Variants in ACVR2A observed in about 807,000 individuals in gnomAD.
The protein encoded by ACVR2A is activin receptor type-2A.
A neutral mutation model predicts 61.4 loss-of-function variants in ACVR2A; 7 were observed. That is an observed-to-expected ratio of 0.11 (90% CI 0.06 to 0.21). ACVR2A has a LOEUF of 0.21. Ranked by LOEUF, ACVR2A falls within the 10% of genes least tolerant of loss-of-function variation. The pLI is 1.00. For synonymous variants in ACVR2A, 193 were observed against 208.3 expected, an observed-to-expected ratio of 0.93 and a Z score of 0.63; for missense variants, 322 against 621.7, an observed-to-expected ratio of 0.52 and a Z score of 5.13.
intron 4 of ACVR2A, among the ~76,000 whole-genome samples, chr2:147,912,645 T>G (rs992020321): frequency 5.9e-5 from 9 of 151,986 alleles, no homozygotes; most frequent in Non-Finnish European, 1.0e-4. Context: ...TTTCTACTAT[T>G]ATAGGATGAG....
At position 147,930,486 on chromosome 2, in the gene ACVR2A, G is replaced by A. The variant is rs1040154147; in HGVS notation, c.*3212G>A. 2 of 151,678 alleles carry A rather than the reference G, an allele frequency of 1.3e-5. No homozygotes were observed. Among genetic ancestry groups the A allele is most frequent in the African/African-American group, 2.4e-5 (1 of 41,180 alleles). The allele number at this position is 151,678 out of a possible 1,614,324, so 9.4% of individuals were successfully genotyped here. A position where few individuals can be genotyped will look rare whatever the true frequency, so the allele number is the denominator to read the frequency against. Reference sequence around the variant, plus strand: ...GCATAAAATTATTTATCCATTTATGGGCAAAATGATACAAGTAGCATCTTG... The same window carrying A: ...GCATAAAATTATTTATCCATTTATGAGCAAAATGATACAAGTAGCATCTTG... On this transcript the variant is annotated 3_prime_UTR_variant, in exon 11 of 11. Transcript: ENST00000241416.
At chr2:147,892,061 TC>T (rs1488848864) in intron 1 of ACVR2A, among the ~76,000 whole-genome samples, 2 of 151,590 alleles carry the variant, frequency 1.3e-5, no homozygotes, top group Non-Finnish European at 2.9e-5. Flanking sequence ...AACCTCCACC[TC>T]CTGGGTTCAA....
At chr2:147,849,007 T>A (rs1327134353) in intron 1 of ACVR2A, among the ~76,000 whole-genome samples, 1 of 152,120 alleles carries the variant, frequency 6.6e-6, no homozygotes. Context: ...TAGAATATGA[T>A]TAAATTAGAG....
intron 4 of ACVR2A, among the ~76,000 whole-genome samples, chr2:147,903,136 G>T (rs536541256): frequency 5.3e-5 from 8 of 151,702 alleles, no homozygotes; most frequent in Admixed American, 2.0e-4. Context: ...TGATGTAGGG[G>T]TATAAGTACT....
chr2:147,866,995 G>C (rs769252775), intron 1 of ACVR2A, among the ~76,000 whole-genome samples: 14 of 152,154 alleles, frequency 9.2e-5, no homozygotes, highest in Non-Finnish European at 1.8e-4. Flanking sequence ...TTGTAGAGAA[G>C]ATCAAGGTGT....
intron 1 of ACVR2A, among the ~76,000 whole-genome samples, chr2:147,853,683 G>T (rs1290748714): frequency 6.6e-6 from 1 of 152,044 alleles, no homozygotes. Flanking sequence ...CCTTTCAAAA[G>T]ATTTTAAAAA....
chr2:147,899,686 A>G, intron 3 of ACVR2A, 58 bp from the exon 4 acceptor site: 1 of 1,598,180 alleles, frequency 6.3e-7, no homozygotes, highest in Non-Finnish European at 8.5e-7. Flanking sequence ...TATGACAGAT[A>G]TTTATTATAG....
intron 1 of ACVR2A, among the ~76,000 whole-genome samples, chr2:147,891,191 T>C (rs1686574084): frequency 6.6e-6 from 1 of 152,198 alleles, no homozygotes; most frequent in South Asian, 2.1e-4. Context: ...TGATTGGAAT[T>C]GACTCCGAAG....
At chr2:147,890,643 A>T (rs887512992) in intron 1 of ACVR2A, among the ~76,000 whole-genome samples, 1 of 152,168 alleles carries the variant, frequency 6.6e-6, no homozygotes, top group African/African-American at 2.4e-5. Context: ...AGTTACTTTG[A>T]TAGAATAAAC....
Position 147,927,208 on chromosome 2 carries a change from G to A in ACVR2A, c.1476G>A (p.Glu492=). 6.2e-7 allele frequency: 1 copy of A among 1,612,216 alleles called. No individual in the cohort carries two copies. The highest frequency in any genetic ancestry group is 8.5e-7 in the Non-Finnish European group (1 of 1,178,792). ...MQRLTNIITT[E]DIVTVVTMVT... The stretch of plus-strand genomic sequence containing the variant: ...GACTAACAAATATTATTACCACAGA[G>A]GACATTGTAACAGTGGTCACAATGG... The change falls in exon 11 of 11, where the codon GAG becomes GAA. Residue 492 remains glutamate, a synonymous_variant. Transcript: ENST00000241416.
At chr2:147,869,171 C>T (rs1685948968) in intron 1 of ACVR2A, among the ~76,000 whole-genome samples, 1 of 151,806 alleles carries the variant, frequency 6.6e-6, no homozygotes, top group Admixed American at 6.6e-5. Flanking sequence ...ATTCTGATAC[C>T]TACTTTCATA....
rs1687349483 is a variant in ACVR2A, at chr2:147,920,337, A to G, written c.1070A>G (p.His357Arg). ...GCTGGCAAGTCTGCAGGCGATACCCATGGACAGGTAAGGATGATGATTATA... is the reference window on the plus strand; with the variant it reads ...GCTGGCAAGTCTGCAGGCGATACCCGTGGACAGGTAAGGATGATGATTATA... ...FEAGKSAGDT[H>R]GQVGTRRYMA... Residue 357 changes from histidine (H) to arginine (R), a missense_variant, in exon 8 of 11, where the codon CAT becomes CGT. Around this residue, in one of 3 missense-constraint regions of ACVR2A, gnomAD observed 146 missense variants for 383.8 expected, o/e 0.38. Transcript: ENST00000241416. The G allele has an allele frequency of 6.2e-6, 10 of 1,609,264 alleles. No individual in the cohort carries two copies. The highest frequency in any genetic ancestry group is 6.8e-6 in the Non-Finnish European group (8 of 1,176,496).
intron 1 of ACVR2A, among the ~76,000 whole-genome samples, chr2:147,856,969 T>G (rs531189823): frequency 6.6e-6 from 1 of 152,178 alleles, no homozygotes; most frequent in African/African-American, 2.4e-5. Context: ...GCTTATTAGC[T>G]GAGAGGGTTA....
intron 1 of ACVR2A, 119 bp downstream of exon 1, chr2:147,845,326 C>G (rs1362539196): frequency 2.0e-5 from 14 of 700,744 alleles, no homozygotes; most frequent in Admixed American, 3.4e-5. Context: ...TTGCCCACTC[C>G]CTGCGCCCCT....
intron 6 of ACVR2A, 27 bp downstream of exon 6, chr2:147,917,453 G>GTA: frequency 6.2e-7 from 1 of 1,608,146 alleles, no homozygotes; most frequent in Non-Finnish European, 8.5e-7. Flanking sequence ...TTTTACTTTA[G>GTA]TAAAGTCTGA....
chr2:147,850,372 A>G (rs185815083), intron 1 of ACVR2A, among the ~76,000 whole-genome samples: 129 of 152,252 alleles, frequency 8.5e-4, no homozygotes, highest in African/African-American at 2.9e-3. Context: ...TTTCTGGACT[A>G]CCTCGCACAC....
At chr2:147,925,158 C>T (rs998549023) in intron 9 of ACVR2A, among the ~76,000 whole-genome samples, 2 of 152,010 alleles carry the variant, frequency 1.3e-5, no homozygotes, top group Admixed American at 1.3e-4. Flanking sequence ...TAAAACCAGA[C>T]TTCAGAGTTA....
In ACVR2A at chr2:147,845,070, C is replaced by T. The variant is rs879037227; in HGVS notation, c.-83C>T. On this transcript the variant is annotated 5_prime_UTR_variant, in exon 1 of 11. Coordinates refer to ENST00000241416, the MANE Select transcript of ACVR2A (RefSeq NM_001616.5). ...ATGTTTTATGACGGTTGATTTTACA[C>T]CAGGAGGTTTGTCTCCGAGGAAGAC... The T allele has an allele frequency of 2.5e-6, 2 of 806,604 alleles. No individual in the cohort carries two copies. The highest frequency in any genetic ancestry group is 1.3e-5 in the South Asian group (1 of 74,702). 50.0% of individuals were successfully genotyped at this position (806,604 alleles called of 1,614,324 possible). A position where few individuals can be genotyped will look rare whatever the true frequency, so the allele number is the denominator to read the frequency against.
intron 4 of ACVR2A, among the ~76,000 whole-genome samples, chr2:147,909,326 GAGAGCCTGGCTAGTC>G (rs1483905556): frequency 6.6e-6 from 1 of 152,168 alleles, no homozygotes; most frequent in Non-Finnish European, 1.5e-5. Context: ...CAAGCTTCAT[GAGAGCCTGGCTAGTC>G]AGTGCCTGGC....
Sources: gnomAD v4.1 joint callset for allele counts (sites outside exome capture counted in the v4.1 genomes callset) on GRCh38, gnomAD v4.1.1 for gene constraint, gnomAD v4.1.1 regional missense constraint, MANE v1.5 for transcripts, NCBI Gene and HGNC (gene_info 2026-07-23, HGNC 2026-07-21) for gene names.